The following CGAS variants were observed in gnomAD, a reference collection of about 807,000 sequenced individuals.
The protein encoded by CGAS is cyclic GMP-AMP synthase, also known as 2'3'-cGAMP synthase.
Under a neutral mutation model 34.0 loss-of-function variants are expected in CGAS, and 31 were observed. The observed-to-expected ratio is 0.91, with a 90% CI of 0.69 to 1.23. The LOEUF (loss-of-function observed/expected upper bound fraction) is 1.23. CGAS is among the 50% of genes most tolerant of loss of function. The pLI, the probability that CGAS is intolerant of heterozygous loss-of-function variation, is 0.00. For missense variants in CGAS, 597 were observed against 657.6 expected, an observed-to-expected ratio of 0.91 and a Z score of 1.01; for synonymous variants, 266 against 260.0, an observed-to-expected ratio of 1.02 and a Z score of -0.22.
chr6:73,431,780 C>A (rs371230578), intron 3 of CGAS, among the ~76,000 whole-genome samples: 5 of 152,136 alleles, frequency 3.3e-5, no homozygotes, highest in Admixed American at 2.0e-4. Flanking sequence ...ATGACACTTA[C>A]AAGACAAGCG....
At chr6:73,447,209 G>A (rs1582657763) in intron 1 of CGAS, among the ~76,000 whole-genome samples, 18 of 152,086 alleles carry the variant, frequency 1.2e-4, no homozygotes, top group Admixed American at 1.2e-3. Flanking sequence ...ACCCAGTTAT[G>A]TTTTTAAGTT....
chr6:73,450,859 G>A (rs1418299815), intron 1 of CGAS, among the ~76,000 whole-genome samples: 1 of 151,626 alleles, frequency 6.6e-6, no homozygotes, highest in Non-Finnish European at 1.5e-5. Context: ...GCATGGTGGC[G>A]GGCGCCTGTA....
chr6:73,440,436 A>T lies in CGAS; in HGVS notation c.887T>A (p.Val296Asp). 6.2e-7 allele frequency: 1 copy of T among 1,611,830 alleles called. No homozygotes were observed. Among genetic ancestry groups the T allele is most frequent in the Non-Finnish European group, 8.5e-7 (1 of 1,178,568 alleles). ...CCCTCCTCTTTTCCTCTTCATGATG[A>T]CATCTGTATCTGGTTGAACATATAA... The part of the protein sequence containing the change: ...EEINDIKDTD[V>D]IMKRKRGGSP... Residue 296 changes from valine to aspartate, a missense_variant, in exon 3 of 5, where the codon GTC becomes GAC. Around this residue, in one of 3 missense-constraint regions of CGAS, gnomAD observed 271 missense variants for 324.1 expected, o/e 0.84. Coordinates refer to ENST00000370315, the MANE Select transcript of CGAS (RefSeq NM_138441.3).
intron 3 of CGAS, among the ~76,000 whole-genome samples, chr6:73,439,171 G>A (rs148517203): frequency 1.8e-4 from 27 of 151,204 alleles, no homozygotes; most frequent in African/African-American, 6.5e-4. Context: ...ATAGTAGTAG[G>A]TGCCAAAAGT....
At chr6:73,432,842 G>C (rs2150811139) in intron 3 of CGAS, among the ~76,000 whole-genome samples, 1 of 152,244 alleles carries the variant, frequency 6.6e-6, no homozygotes, top group Admixed American at 6.5e-5. Flanking sequence ...CCAGTACTTT[G>C]GGAGGCCGAG....
In CGAS at chr6:73,451,836, A is replaced by C. The variant is rs1582660138; in HGVS notation, c.346T>G (p.Ser116Ala). Reference protein sequence around the residue: ...EPPAAREPALSRAGSCRQRGA... With the variant: ...EPPAAREPALARAGSCRQRGA... ...CTCTGGCGGCAAGAACCAGCCCTGG[A>C]AAGAGCCGGCTCCCGAGCCGCAGGA... The change falls in exon 1 of 5, where the codon TCC (serine) becomes GCC (alanine). Residue 116 changes from serine to alanine, a missense_variant. Physicochemically the swap from Ser to Ala is moderately conservative, Grantham distance 99. Transcript: ENST00000370315. 1.9e-6 allele frequency: 3 copies of C among 1,552,168 alleles called. No homozygotes were observed. In the African/African-American group the frequency reaches 4.1e-5, roughly 21 times the overall value.
At chr6:73,442,565 T>C (rs1159868558) in intron 2 of CGAS, among the ~76,000 whole-genome samples, 1 of 151,096 alleles carries the variant, frequency 6.6e-6, no homozygotes, top group African/African-American at 2.4e-5. Context: ...CACTCCTGGC[T>C]AATTAAAAAA....
At chr6:73,442,544 G>A (rs1444649054) in intron 2 of CGAS, among the ~76,000 whole-genome samples, 2 of 149,632 alleles carry the variant, frequency 1.3e-5, no homozygotes, top group Non-Finnish European at 3.0e-5. Flanking sequence ...GGGACCACAG[G>A]CACATGCCAC....
rs191124265 is a variant in CGAS, at chr6:73,429,742, C to T, written c.1115-931G>A. 2.7e-3 allele frequency among the ~76,000 whole-genome samples: 405 copies of T among 152,038 alleles called. 2 individuals are homozygous for T. The highest frequency in any genetic ancestry group is 9.3e-3 in the African/African-American group (384 of 41,456). ...TTGGGAGGCTGAGGCAGGAGAATGG[C>T]GCGAACCCGGGAGGTGGAGCTTGCA... On this transcript the variant is annotated intron_variant, in intron 3 of 4. Coordinates refer to ENST00000370315, the MANE Select transcript of CGAS (RefSeq NM_138441.3).
intron 3 of CGAS, among the ~76,000 whole-genome samples, chr6:73,433,328 C>G (rs1283150679): frequency 6.6e-6 from 1 of 151,504 alleles, no homozygotes; most frequent in African/African-American, 2.4e-5. Flanking sequence ...GTGGCAAGAT[C>G]ATAGCTCACT....
Position 73,451,891 on chromosome 6 carries a change from G to A in CGAS, c.291C>T (p.Thr97=). The change falls in exon 1 of 5, where the codon ACC becomes ACT. Residue 97 remains threonine, a synonymous_variant. Transcript: ENST00000370315. ...RAQDTQPSDA[T]SAPGAEGLEP... is the part of the protein sequence containing the mutation. Reference sequence around the variant, plus strand: ...CCAGCCCCTCTGCCCCAGGGGCGCTGGTGGCGTCAGACGGCTGCGTGTCCT... The same window carrying A: ...CCAGCCCCTCTGCCCCAGGGGCGCTAGTGGCGTCAGACGGCTGCGTGTCCT... 6.5e-7 allele frequency: 1 copy of A among 1,536,408 alleles called. No individual in the cohort carries two copies. Among genetic ancestry groups the A allele is most frequent in the East Asian group, 2.5e-5 (1 of 40,524 alleles).
chr6:73,429,809 G>A (rs1278340348), intron 3 of CGAS, among the ~76,000 whole-genome samples: 1 of 151,654 alleles, frequency 6.6e-6, no homozygotes, highest in Non-Finnish European at 1.5e-5. Flanking sequence ...CTGGGCAACA[G>A]CACAAGACTC....
At chr6:73,429,650 C>A (rs1184256882) in intron 3 of CGAS, among the ~76,000 whole-genome samples, 1 of 119,180 alleles carries the variant, frequency 8.4e-6, no homozygotes, top group Non-Finnish European at 2.1e-5. Flanking sequence ...CACAGTGAAA[C>A]CCTGCCTCTA....
rs1453270785 is a variant in CGAS, at chr6:73,451,545, T to G, written c.637A>C (p.Ser213Arg). The G allele has an allele frequency of 1.3e-6, 2 of 1,582,542 alleles. No individual in the cohort carries two copies. The highest frequency in any genetic ancestry group is 2.7e-5 in the African/African-American group (2 of 73,736). Residue 213 changes from serine to arginine, a missense_variant, in exon 1 of 5, where the codon AGC (serine) becomes CGC (arginine). Coordinates refer to ENST00000370315, the MANE Select transcript of CGAS (RefSeq NM_138441.3). Reference sequence around the variant, plus strand: ...CTCACCTTCACGTGCTCATAGTAGCTCCCGGTGTTCAGCAGCCCGACGCCT... The same window carrying G: ...CTCACCTTCACGTGCTCATAGTAGCGCCCGGTGTTCAGCAGCCCGACGCCT... Reference protein sequence around the residue: ...FRGVGLLNTGSYYEHVKISAP... With the variant: ...FRGVGLLNTGRYYEHVKISAP...
rs778174215 is a variant in CGAS at position 73,451,620 on chromosome 6, C to A, written c.562G>T (p.Gly188Trp). The change falls in exon 1 of 5, where the codon GGG (glycine) becomes TGG (tryptophan). Residue 188 changes from glycine (G) to tryptophan (W), a missense_variant. Transcript: ENST00000370315. ...DISTAAGMVK[G>W]VVDHLLLRLK... ...CTGAGCAGCAGGTGGTCCACAACCC[C>A]TTTCACCATCCCCGCCGCCGTGGAG... 14 of 1,614,204 alleles carry A rather than the reference C, an allele frequency of 8.7e-6. No homozygotes were observed. The highest frequency in any genetic ancestry group is 1.2e-5 in the Non-Finnish European group (14 of 1,180,040).
chr6:73,443,235 C>CTTTTTTTT (rs35135687), intron 2 of CGAS, among the ~76,000 whole-genome samples: 5 of 104,224 alleles, frequency 4.8e-5, no homozygotes, highest in Admixed American at 2.6e-4. Flanking sequence ...TTCCCAAACT[C>CTTTTTTTT]TTTTTTTTTT....
chr6:73,451,944 G>A lies in CGAS; in HGVS notation c.238C>T (p.Arg80Cys), dbSNP rs1460144649. ...GCGCGCTGAGGGGCCTTTTTGGCGC[G>A]GGCCCCAGTTGCGCGGACGGGCGGC... ...ERPPVRATGARAKKAPQRAQD... is the reference protein window; with the variant it reads ...ERPPVRATGACAKKAPQRAQD... The change falls in exon 1 of 5, where the codon CGC (arginine) becomes TGC (cysteine). Residue 80 changes from arginine (R) to cysteine (C), a missense_variant. Arg to Cys is a radical substitution (Grantham distance 180). Coordinates refer to ENST00000370315, the MANE Select transcript of CGAS (RefSeq NM_138441.3). The A allele has an allele frequency of 2.0e-6, 3 of 1,494,510 alleles. No individual in the cohort carries two copies. Among genetic ancestry groups the A allele is most frequent in the Admixed American group, 2.4e-5 (1 of 41,420 alleles). The allele number at this position is 1,494,510 out of a possible 1,614,324, so 92.6% of individuals were successfully genotyped here. A position where few individuals can be genotyped will look rare whatever the true frequency, so the allele number is the denominator to read the frequency against.
intron 1 of CGAS, among the ~76,000 whole-genome samples, chr6:73,447,108 C>G (rs1159724080): frequency 6.6e-6 from 1 of 152,192 alleles, no homozygotes; most frequent in Non-Finnish European, 1.5e-5. Context: ...ATTTAAAAAA[C>G]TGATCATATT....
intron 2 of CGAS, among the ~76,000 whole-genome samples, chr6:73,444,315 T>TTTA (rs1770432008): frequency 6.2e-5 from 9 of 144,176 alleles, no homozygotes; most frequent in South Asian, 2.3e-4. Context: ...AATTTAATTT[T>TTTA]ATTTTATTTT....
Sources: allele counts gnomAD v4.1 joint callset (sites outside exome capture counted in the v4.1 genomes callset), GRCh38; gene constraint gnomAD v4.1.1; regional missense constraint gnomAD v4.1.1; transcripts MANE v1.5; gene names NCBI Gene and HGNC (gene_info 2026-07-23, HGNC 2026-07-21).